RBL2: variants seen among roughly 807,000 people sequenced by gnomAD.
RBL2 encodes RB transcriptional corepressor like 2.
A neutral mutation model predicts 126.0 loss-of-function variants in RBL2; 56 were observed. The ratio of observed to expected loss-of-function variants is 0.44; its 90% CI spans 0.36 to 0.56. The LOEUF (loss-of-function observed/expected upper bound fraction) is 0.56. RBL2 is among the 20% of genes least tolerant of loss of function. The probability of loss-of-function intolerance (pLI) is 0.00; values close to 1 mark genes in which losing one functional copy is unlikely to be tolerated. For missense variants in RBL2, 1,229 were observed against 1,398.2 expected, an observed-to-expected ratio of 0.88 and a Z score of 1.93; for synonymous variants, 454 against 478.5, an observed-to-expected ratio of 0.95 and a Z score of 0.67.
chr16:53,474,661 G>A (rs1277935317), intron 17 of RBL2, among the ~76,000 whole-genome samples: 5 of 152,150 alleles, frequency 3.3e-5, no homozygotes, highest in African/African-American at 1.2e-4. Flanking sequence ...CCAACAGTTT[G>A]TTGAGGAATT....
At chr16:53,441,870 G>C (rs2058019597) in intron 2 of RBL2, among the ~76,000 whole-genome samples, 1 of 152,102 alleles carries the variant, frequency 6.6e-6, no homozygotes, top group African/African-American at 2.4e-5. Flanking sequence ...CGCCAGGCTG[G>C]AGTGCAGTGG....
intron 5 of RBL2, among the ~76,000 whole-genome samples, chr16:53,452,755 C>A (rs1168602565): frequency 6.6e-6 from 1 of 152,060 alleles, no homozygotes; most frequent in Non-Finnish European, 1.5e-5. Context: ...CAGCCTCAAT[C>A]TCCTGGGCTC....
chr16:53,435,063 G>A (rs2057943745), intron 1 of RBL2, among the ~76,000 whole-genome samples: 1 of 152,178 alleles, frequency 6.6e-6, no homozygotes, highest in Non-Finnish European at 1.5e-5. Flanking sequence ...GGGTCCCGTT[G>A]AGGAAAATGG....
At chr16:53,442,206 G>A (rs2058023395) in intron 2 of RBL2, among the ~76,000 whole-genome samples, 2 of 152,104 alleles carry the variant, frequency 1.3e-5, no homozygotes, top group Non-Finnish European at 2.9e-5. Flanking sequence ...CAGTGTTCTA[G>A]GAAGCCAAAG....
At chr16:53,462,940 A>T (rs2058237070) in intron 11 of RBL2, among the ~76,000 whole-genome samples, 1 of 152,176 alleles carries the variant, frequency 6.6e-6, no homozygotes, top group South Asian at 2.1e-4. Context: ...TCCTGGGTTC[A>T]AGCAATTCTC....
Position 53,470,392 on chromosome 16 carries a change from A to G in RBL2, c.2255A>G (p.Asn752Ser), listed in dbSNP as rs576471509. 1.5e-4 allele frequency: 243 copies of G among 1,611,548 alleles called. 1 individual carries two copies. The highest frequency in any genetic ancestry group is 3.3e-4 in the Middle Eastern group (2 of 6,050). Reference sequence around the variant, plus strand: ...TTTTCTCTGTCACTAGGTATTGCCAATGAAAATGGAGGGATAACATTCTTC... The same window carrying G: ...TTTTCTCTGTCACTAGGTATTGCCAGTGAAAATGGAGGGATAACATTCTTC... ...TVTIPVQGIA[N>S]ENGGITFFPV... The change falls in exon 16 of 22, where the codon AAT becomes AGT. Residue 752 changes from asparagine (N) to serine (S), a missense_variant. Asn to Ser is a conservative substitution (Grantham distance 46, BLOSUM62 1). Coordinates refer to ENST00000262133, the MANE Select transcript of RBL2 (RefSeq NM_005611.4).
intron 1 of RBL2, among the ~76,000 whole-genome samples, chr16:53,438,430 C>T (rs2057980132): frequency 6.6e-6 from 1 of 152,172 alleles, no homozygotes; most frequent in Non-Finnish European, 1.5e-5. Context: ...TCACTTCTAC[C>T]TCTGCAATTA....
At chr16:53,438,133 T>C (rs931728183) in intron 1 of RBL2, among the ~76,000 whole-genome samples, 1 of 152,218 alleles carries the variant, frequency 6.6e-6, no homozygotes, top group African/African-American at 2.4e-5. Flanking sequence ...TTTGTTTTGG[T>C]CACAGGTTCT....
intron 3 of RBL2, chr16:53,445,851 TAAA>T (rs2058057455): frequency 6.6e-6 from 1 of 152,212 alleles, no homozygotes; most frequent in African/African-American, 2.4e-5. Context: ...CAGTGTGTTA[TAAA>T]AGTCCCATGA....
At chr16:53,435,658 T>G (rs1305723538) in intron 1 of RBL2, 1 of 1,288,566 alleles carries the variant, frequency 7.8e-7, no homozygotes, top group Non-Finnish European at 1.0e-6. Flanking sequence ...CATTTAAACC[T>G]GAGGCCATTT....
At chr16:53,489,821 C>A in intron 21 of RBL2, 1 of 212,210 alleles carries the variant, frequency 4.7e-6, no homozygotes, top group Non-Finnish European at 9.3e-6. Context: ...GTAATGCTCC[C>A]TAATTGTAAA....
chr16:53,450,412 A>C (rs1041132059), intron 4 of RBL2, among the ~76,000 whole-genome samples: 3 of 152,158 alleles, frequency 2.0e-5, no homozygotes, highest in African/African-American at 7.2e-5. Flanking sequence ...GTTTGGAAAT[A>C]ATTCTTCATA....
At chr16:53,480,380 G>A (rs151007159) in intron 19 of RBL2, 187 bp from the exon 20 acceptor site, 2 of 600,652 alleles carry the variant, frequency 3.3e-6, no homozygotes, top group East Asian at 5.6e-5. Context: ...CCCTTGCTAT[G>A]GTTATGGCAT....
intron 18 of RBL2, 113 bp from the exon 19 acceptor site, chr16:53,479,773 A>G (rs1960869239): frequency 4.6e-6 from 3 of 656,546 alleles, no homozygotes; most frequent in Non-Finnish European, 7.8e-6. Flanking sequence ...TCTGAGGACA[A>G]CTATTGCTAT....
At chr16:53,477,303 T>C (rs1228969555) in intron 17 of RBL2, among the ~76,000 whole-genome samples, 1 of 152,222 alleles carries the variant, frequency 6.6e-6, no homozygotes, top group Non-Finnish European at 1.5e-5. Flanking sequence ...TTAAAACTTT[T>C]GCTCTAGTAA....
At chr16:53,456,963 C>G (rs543897250) in intron 8 of RBL2, among the ~76,000 whole-genome samples, 1 of 152,182 alleles carries the variant, frequency 6.6e-6, no homozygotes, top group East Asian at 1.9e-4. Flanking sequence ...TGTCTCCTTG[C>G]ATTAGAATAT....
At chr16:53,438,449 G>A (rs190203315) in intron 1 of RBL2, among the ~76,000 whole-genome samples, 2 of 152,282 alleles carry the variant, frequency 1.3e-5, no homozygotes, top group Admixed American at 1.3e-4. Context: ...TATTGATAGA[G>A]ACAGTTAATC....
At chr16:53,486,518 T>TA (rs921344409) in intron 21 of RBL2, among the ~76,000 whole-genome samples, 3 of 152,200 alleles carry the variant, frequency 2.0e-5, no homozygotes, top group African/African-American at 7.2e-5. Context: ...ATGCCAATTC[T>TA]ATAGAAACTC....
chr16:53,469,028 G>A (rs1425423923), intron 14 of RBL2, among the ~76,000 whole-genome samples: 2 of 152,074 alleles, frequency 1.3e-5, no homozygotes, highest in Middle Eastern at 3.2e-3. Context: ...TCAGGAGTTC[G>A]AGACCAGCCT....
Sources: allele counts gnomAD v4.1 joint callset (sites outside exome capture counted in the v4.1 genomes callset), GRCh38; gene constraint gnomAD v4.1.1; transcripts MANE v1.5; gene names NCBI Gene and HGNC (gene_info 2026-07-23, HGNC 2026-07-21).